Variants in RSPO1 observed in about 807,000 individuals in gnomAD.
RSPO1 encodes the protein R-spondin-1.
Under a neutral mutation model 26.0 loss-of-function variants are expected in RSPO1, and 18 were observed. The ratio of observed to expected loss-of-function variants is 0.69; its 90% CI spans 0.48 to 1.03. The LOEUF is 1.03. Ranked by LOEUF, RSPO1 falls within the 50% of genes least tolerant of loss-of-function variation. The pLI is 0.00. For missense variants in RSPO1, 309 were observed against 352.3 expected, an observed-to-expected ratio of 0.88 and a Z score of 0.98; for synonymous variants, 133 against 137.4, an observed-to-expected ratio of 0.97 and a Z score of 0.22.
chr1:37,619,465 C>T (rs1368461383), intron 3 of RSPO1, among the ~76,000 whole-genome samples: 1 of 152,206 alleles, frequency 6.6e-6, no homozygotes, highest in Admixed American at 6.5e-5. Flanking sequence ...CCACTCCGGA[C>T]AACTGCTGGA....
At chr1:37,619,868 C>T (rs1359887318) in intron 3 of RSPO1, among the ~76,000 whole-genome samples, 1 of 152,044 alleles carries the variant, frequency 6.6e-6, no homozygotes, top group Non-Finnish European at 1.5e-5. Flanking sequence ...CTGCCTCAGC[C>T]TCCCGAGTAG....
intron 3 of RSPO1, among the ~76,000 whole-genome samples, chr1:37,623,184 G>T (rs933637126): frequency 6.8e-6 from 1 of 146,814 alleles, no homozygotes; most frequent in African/African-American, 2.5e-5. Context: ...TATCAAGGGG[G>T]ACAGGAAGCA....
chr1:37,612,502 G>A lies in RSPO1; in HGVS notation c.*253C>T. 1 of 557,926 alleles carries A rather than the reference G, an allele frequency of 1.8e-6. No homozygotes were observed. The highest frequency in any genetic ancestry group is 2.1e-5 in the South Asian group (1 of 48,354). 34.6% of individuals were successfully genotyped at this position (557,926 alleles called of 1,614,324 possible). A position where few individuals can be genotyped will look rare whatever the true frequency, so the allele number is the denominator to read the frequency against. On this transcript the variant is annotated 3_prime_UTR_variant, in exon 7 of 7. Coordinates refer to ENST00000356545, the MANE Select transcript of RSPO1 (RefSeq NM_001242908.2). ...GAAGTGTCTTCTGGTGGCCTCAGGT[G>A]TGTGTGTGTGTGTGTGTGTATGTGT...
chr1:37,619,178 G>A (rs1488076795), intron 3 of RSPO1, among the ~76,000 whole-genome samples: 2 of 152,206 alleles, frequency 1.3e-5, no homozygotes, highest in African/African-American at 4.8e-5. Context: ...AGCTGAGATC[G>A]TGCCACTGCA....
rs921575600 is a variant in RSPO1, at chr1:37,612,330, C to T, written c.*425G>A. 1.3e-5 allele frequency: 3 copies of T among 223,142 alleles called. No individual in the cohort carries two copies. Among genetic ancestry groups the T allele is most frequent in the African/African-American group, 4.5e-5 (2 of 44,596 alleles). The allele number at this position is 223,142 out of a possible 1,614,324, so 13.8% of individuals were successfully genotyped here. A position where few individuals can be genotyped will look rare whatever the true frequency, so the allele number is the denominator to read the frequency against. On this transcript the variant is annotated 3_prime_UTR_variant, in exon 7 of 7. Coordinates refer to ENST00000356545, the MANE Select transcript of RSPO1 (RefSeq NM_001242908.2). ...ACCAGCAGTCCTCAAGCTTGGCTCC[C>T]ATCTGCCACAGTGGCTGGTCCGATC... is the stretch of plus-strand genomic sequence containing the variant.
intron 3 of RSPO1, among the ~76,000 whole-genome samples, chr1:37,623,442 C>T (rs12144790): frequency 0.22 from 33,922 of 151,808 alleles, 4,488 homozygotes; most frequent in East Asian, 0.46. Flanking sequence ...CCACCCGGGA[C>T]GAGGGAGGCA....
chr1:37,623,042 T>C (rs559041672), intron 3 of RSPO1, among the ~76,000 whole-genome samples: 45 of 151,844 alleles, frequency 3.0e-4, no homozygotes, highest in African/African-American at 1.0e-3. Flanking sequence ...AGGGCTCAGA[T>C]GCTAAAGCTG....
At chr1:37,616,753 T>G in intron 3 of RSPO1, 78 bp from the exon 4 acceptor site, 1 of 1,283,990 alleles carries the variant, frequency 7.8e-7, no homozygotes, top group Non-Finnish European at 1.1e-6. Flanking sequence ...GGATGGGAAG[T>G]GAATAGATCG....
intron 4 of RSPO1, among the ~76,000 whole-genome samples, chr1:37,615,584 C>G (rs1289029953): frequency 2.6e-5 from 4 of 152,204 alleles, no homozygotes; most frequent in Admixed American, 2.6e-4. Flanking sequence ...TGTCCTGTCT[C>G]CCTCCCAGTG....
intron 3 of RSPO1, among the ~76,000 whole-genome samples, chr1:37,626,154 T>G (rs1644273264): frequency 6.6e-6 from 1 of 152,040 alleles, no homozygotes; most frequent in South Asian, 2.1e-4. Flanking sequence ...TCAGGCCAAG[T>G]CCAAACTCCT....
intron 4 of RSPO1, among the ~76,000 whole-genome samples, chr1:37,614,571 A>C (rs545722117): frequency 6.6e-5 from 10 of 152,294 alleles, no homozygotes; most frequent in Non-Finnish European, 1.3e-4. Flanking sequence ...GACTCTTGCC[A>C]CCATCAGCCA....
intron 3 of RSPO1, among the ~76,000 whole-genome samples, chr1:37,616,921 G>C (rs75718787): frequency 6.6e-6 from 1 of 152,250 alleles, no homozygotes; most frequent in East Asian, 1.9e-4. Context: ...CACGACACGA[G>C]TTCACTCTCT....
In RSPO1 at chr1:37,629,735, A is replaced by T. The variant is rs1644329292; in HGVS notation, c.-74T>A. On this transcript the variant is annotated 5_prime_UTR_variant, in exon 3 of 7. The change abolishes the stop of an existing upstream ORF in the 5' untranslated region. Transcript: ENST00000356545. The stretch of plus-strand genomic sequence containing the variant: ...GGGTGGATAGCACACGGCTCTTGCT[A>T]ACACCTCTGGGGCTGGGTCAGCAGC... 1.3e-6 allele frequency: 2 copies of T among 1,585,256 alleles called. No homozygotes were observed. The highest frequency in any genetic ancestry group is 4.7e-5 in the East Asian group (2 of 42,888).
intron 3 of RSPO1, among the ~76,000 whole-genome samples, chr1:37,624,878 G>A (rs1017684759): frequency 1.1e-4 from 17 of 152,130 alleles, no homozygotes; most frequent in African/African-American, 3.9e-4. Context: ...TTACCCCTCA[G>A]CACCACTCCT....
rs1256985054 is a variant in RSPO1, at chr1:37,614,204, G to C, written c.416C>G (p.Thr139Ser). 8 of 1,613,028 alleles carry C rather than the reference G, an allele frequency of 5.0e-6. No homozygotes were observed. The highest frequency in any genetic ancestry group is 1.7e-5 in the Admixed American group (1 of 60,010). The change falls in exon 5 of 7, where the codon ACC becomes AGC. Residue 139 changes from threonine to serine, a missense_variant. Thr to Ser is a moderately conservative substitution (Grantham distance 58). Coordinates refer to ENST00000356545, the MANE Select transcript of RSPO1 (RefSeq NM_001242908.2). ...CTTACCAGGACTACTGCACTCCATGGTGCCATTGGCAGCTGAGGAGCCCTC... is the reference window on the plus strand; with the variant it reads ...CTTACCAGGACTACTGCACTCCATGCTGCCATTGGCAGCTGAGGAGCCCTC... ...CPEGSSAANG[T>S]MECSSPAQCE...
rs10437320 is a variant in RSPO1 at position 37,612,522 on chromosome 1, A to G, written c.*233T>C. 200 of 384,890 alleles carry G rather than the reference A, an allele frequency of 5.2e-4. No homozygotes were observed. Among genetic ancestry groups the G allele is most frequent in the Admixed American group, 7.8e-4 (17 of 21,778 alleles). 23.8% of individuals were successfully genotyped at this position (384,890 alleles called of 1,614,324 possible). ...CAGGTGTGTGTGTGTGTGTGTGTGT[A>G]TGTGTGTGTGTGGTGTCTGTGTCTG... is the stretch of plus-strand genomic sequence containing the variant. On this transcript the variant is annotated 3_prime_UTR_variant, in exon 7 of 7. Coordinates refer to ENST00000356545, the MANE Select transcript of RSPO1 (RefSeq NM_001242908.2).
chr1:37,621,756 C>T (rs1051108460), intron 3 of RSPO1, among the ~76,000 whole-genome samples: 1 of 151,532 alleles, frequency 6.6e-6, no homozygotes, highest in Non-Finnish European at 1.5e-5. Context: ...GATTGAGACG[C>T]TGAGTTCTTT....
intron 3 of RSPO1, among the ~76,000 whole-genome samples, chr1:37,628,615 C>T (rs1383564088): frequency 2.0e-5 from 3 of 152,226 alleles, no homozygotes; most frequent in Non-Finnish European, 4.4e-5. Flanking sequence ...CCATCTCCCT[C>T]GTGTGGGCCC....
At chr1:37,616,463 G>T (rs770614188) in intron 4 of RSPO1, 21 bp downstream of exon 4, 12 of 1,612,194 alleles carry the variant, frequency 7.4e-6, no homozygotes, top group South Asian at 1.1e-5. Flanking sequence ...CCCTGCCCCC[G>T]ACAGCCCTGC....
Sources: allele counts gnomAD v4.1 joint callset (sites outside exome capture counted in the v4.1 genomes callset), GRCh38; gene constraint gnomAD v4.1.1; transcripts MANE v1.5; gene names NCBI Gene and HGNC (gene_info 2026-07-23, HGNC 2026-07-21).